The following CEP89 variants were observed in gnomAD, a reference collection of about 807,000 sequenced individuals.
The protein encoded by CEP89 is centrosomal protein 89, also known as centrosomal protein of 89 kDa.
Under a neutral mutation model 97.6 loss-of-function variants are expected in CEP89, and 95 were observed. The observed-to-expected ratio is 0.97, with a 90% CI of 0.82 to 1.15. CEP89 has a LOEUF of 1.15. Ranked by LOEUF, CEP89 falls within the 50% of genes most tolerant of loss-of-function variation. The probability of loss-of-function intolerance (pLI) is 0.00; values close to 1 mark genes in which losing one functional copy is unlikely to be tolerated. For missense variants in CEP89, 869 were observed against 947.7 expected (o/e 0.92, Z 1.09); for synonymous variants, 354 against 349.1 (o/e 1.01, Z -0.16).
At chr19:32,888,366 A>G (rs1969443657) in intron 16 of CEP89, among the ~76,000 whole-genome samples, 1 of 152,238 alleles carries the variant, frequency 6.6e-6, no homozygotes, top group Admixed American at 6.5e-5. Context: ...GCTACATTCT[A>G]TAAATTAACT....
chr19:32,938,988 G>A (rs1970632613), intron 6 of CEP89, among the ~76,000 whole-genome samples: 1 of 152,016 alleles, frequency 6.6e-6, no homozygotes, highest in Non-Finnish European at 1.5e-5. Context: ...CATCATGCCT[G>A]CAATCCCAAT....
chr19:32,937,644 AG>A lies in CEP89; in HGVS notation c.653del (p.Pro218LeufsTer7). 6.2e-7 allele frequency: 1 copy of A among 1,606,400 alleles called. No individual in the cohort carries two copies. On this transcript the variant is annotated frameshift_variant, in exon 7 of 19. Coordinates refer to ENST00000305768, the MANE Select transcript of CEP89 (RefSeq NM_032816.5). LOFTEE classifies it high-confidence loss of function. Reference protein sequence around the residue: ...KDEKPPLCEKPPPSPDITGRA... With the variant: ...KDEKPPLCEKXPPSPDITGRA... The stretch of plus-strand genomic sequence containing the variant: ...AAAGGCAAATACCTGGGGAGGGTGG[AG>A]GTTTCTCACATAATGGAGGTTTTTC...
intron 15 of CEP89, among the ~76,000 whole-genome samples, chr19:32,900,208 A>G (rs1225766326): frequency 2.0e-5 from 3 of 152,014 alleles, no homozygotes; most frequent in Non-Finnish European, 2.9e-5. Context: ...ACTCAAGTGA[A>G]TAAGAGGAGT....
intron 9 of CEP89, among the ~76,000 whole-genome samples, chr19:32,927,629 G>A (rs1970388093): frequency 6.6e-6 from 1 of 151,972 alleles, no homozygotes; most frequent in African/African-American, 2.4e-5. Flanking sequence ...TTCTGAGACA[G>A]GGTCTCATTC....
rs1692974383 is a variant in CEP89, at chr19:32,901,931, T to C, written c.1566-519A>G. Among the ~76,000 whole-genome samples the C allele has an allele frequency of 1.3e-5, 2 of 151,932 alleles. 1 individual carries two copies. The highest frequency in any genetic ancestry group is 4.2e-4 in the South Asian group (2 of 4,812). ...TGAGCCACCACACCTGGCCACAAAC[T>C]TCTTTGATGGTGATGATCTAACCTC... On this transcript the variant is annotated intron_variant, in intron 14 of 18. Transcript: ENST00000305768.
intron 9 of CEP89, 88 bp downstream of exon 9, chr19:32,931,341 T>G (rs1265009228): frequency 8.3e-7 from 1 of 1,211,012 alleles, no homozygotes; most frequent in Non-Finnish European, 1.1e-6. Flanking sequence ...CAAATTATAA[T>G]AAATAAGAAC....
intron 14 of CEP89, among the ~76,000 whole-genome samples, chr19:32,910,806 G>C (rs1969985866): frequency 6.6e-6 from 1 of 151,976 alleles, no homozygotes; most frequent in Admixed American, 6.6e-5. Context: ...AACTCTTCAG[G>C]GTCAGTAACG....
intron 7 of CEP89, among the ~76,000 whole-genome samples, chr19:32,935,598 G>A (rs1230759493): frequency 6.6e-6 from 1 of 152,218 alleles, no homozygotes; most frequent in Non-Finnish European, 1.5e-5. Context: ...TGAAAATGCT[G>A]AGATTGAAAG....
chr19:32,969,032 G>A (rs1195607451), intron 1 of CEP89: 1 of 152,188 alleles, frequency 6.6e-6, no homozygotes, highest in Non-Finnish European at 1.5e-5. Context: ...AGGCCCTGGA[G>A]AGAGTGGCTC....
intron 16 of CEP89, among the ~76,000 whole-genome samples, chr19:32,889,758 G>C (rs1186502940): frequency 6.6e-6 from 1 of 152,206 alleles, no homozygotes; most frequent in Non-Finnish European, 1.5e-5. Context: ...TGCGTTTACA[G>C]TGGCCTCAAC....
rs759305087 is a variant in CEP89, at chr19:32,933,466, C to T, written c.871G>A (p.Ala291Thr). ...CTGTCCCCACCTTCCTGTGACGACG[C>T]CTTCTCAGCCTCTTTGAGCTTTCTC... ...EKRKLKEAEK[A>T]SSQEVAAPEL... The change falls in exon 8 of 19, where the codon GCG becomes ACG. Residue 291 changes from alanine to threonine, a missense_variant. Coordinates refer to ENST00000305768, the MANE Select transcript of CEP89 (RefSeq NM_032816.5). 2.5e-6 allele frequency: 4 copies of T among 1,613,644 alleles called. No homozygotes were observed. In the Admixed American group the frequency reaches 6.7e-5, roughly 27 times the overall value.
intron 9 of CEP89, 172 bp downstream of exon 9, chr19:32,931,257 A>C: frequency 1.7e-6 from 1 of 578,710 alleles, no homozygotes; most frequent in Non-Finnish European, 2.9e-6. Flanking sequence ...ATTACGGGGA[A>C]GAAGGAAGGG....
intron 4 of CEP89, among the ~76,000 whole-genome samples, chr19:32,952,014 C>A (rs891747398): frequency 6.6e-6 from 1 of 152,124 alleles, no homozygotes; most frequent in Non-Finnish European, 1.5e-5. Flanking sequence ...CAGAGCTCGA[C>A]AGGAGCACAG....
chr19:32,906,287 G>T (rs62125010), intron 14 of CEP89, among the ~76,000 whole-genome samples: 1 of 151,838 alleles, frequency 6.6e-6, no homozygotes, highest in Non-Finnish European at 1.5e-5. Flanking sequence ...CTCTTATTTG[G>T]ATTGTTTTTT....
At chr19:32,927,919 C>T (rs12975637) in intron 9 of CEP89, among the ~76,000 whole-genome samples, 2,549 of 63,654 alleles carry the variant, frequency 0.04, no homozygotes, top group Middle Eastern at 0.06. Flanking sequence ...TTTTTTTTTT[C>T]TTTTTTTTTT....
At chr19:32,887,916 G>T in intron 16 of CEP89, 75 bp from the exon 17 acceptor site, 2 of 844,546 alleles carry the variant, frequency 2.4e-6, no homozygotes, top group Non-Finnish European at 3.9e-6. Context: ...TTTGCAAAGA[G>T]TGTTACTGCT....
At chr19:32,941,769 C>T (rs1970691533) in intron 5 of CEP89, among the ~76,000 whole-genome samples, 2 of 152,136 alleles carry the variant, frequency 1.3e-5, no homozygotes, top group African/African-American at 4.8e-5. Context: ...CTACTGCCCA[C>T]CTTAGCACCC....
chr19:32,903,804 C>A (rs1346709625), intron 14 of CEP89, among the ~76,000 whole-genome samples: 1 of 152,096 alleles, frequency 6.6e-6, no homozygotes, highest in Admixed American at 6.5e-5. Flanking sequence ...AAAAGATTTC[C>A]AAACTTGATG....
chr19:32,889,236 G>C (rs1180423507), intron 16 of CEP89, among the ~76,000 whole-genome samples: 4 of 152,186 alleles, frequency 2.6e-5, no homozygotes, highest in African/African-American at 7.2e-5. Flanking sequence ...GGCCTGCAAG[G>C]CTGTAGGGAT....
Sources: allele counts gnomAD v4.1 joint callset (sites outside exome capture counted in the v4.1 genomes callset), GRCh38; gene constraint gnomAD v4.1.1; transcripts MANE v1.5; gene names NCBI Gene and HGNC (gene_info 2026-07-23, HGNC 2026-07-21).